TRIOBP: variants seen among roughly 807,000 people sequenced by gnomAD.
TRIOBP encodes the protein TRIO and F-actin-binding protein.
Under a neutral mutation model 238.8 loss-of-function variants are expected in TRIOBP, and 169 were observed. The observed-to-expected ratio is 0.71, with a 90% CI of 0.62 to 0.80. The LOEUF is 0.80. Ranked by LOEUF, TRIOBP falls within the 30% of genes least tolerant of loss-of-function variation. The probability of loss-of-function intolerance (pLI) is 0.00; values close to 1 mark genes in which losing one functional copy is unlikely to be tolerated. For synonymous variants in TRIOBP, 1,150 were observed against 1,274.4 expected, an observed-to-expected ratio of 0.90 and a Z score of 2.08; for missense variants, 2,838 against 3,122.6, an observed-to-expected ratio of 0.91 and a Z score of 2.17.
chr22:37,739,573 C>T (rs1924839455), intron 10 of TRIOBP, among the ~76,000 whole-genome samples: 1 of 152,174 alleles, frequency 6.6e-6, no homozygotes, highest in Non-Finnish European at 1.5e-5. Context: ...GGGACTAGAA[C>T]CCAGGGCCCA....
At chr22:37,708,544 T>A (rs1923071896) in intron 3 of TRIOBP, among the ~76,000 whole-genome samples, 1 of 152,118 alleles carries the variant, frequency 6.6e-6, no homozygotes, top group Admixed American at 6.5e-5. Flanking sequence ...AGAGCGAGAC[T>A]CTGTCTCAAA....
rs200079756 is a variant in TRIOBP at position 37,757,600 on chromosome 22, G to C, written c.5688-13G>C. 228 of 1,570,668 alleles carry C rather than the reference G, an allele frequency of 1.5e-4. No individual in the cohort carries two copies. Among genetic ancestry groups the C allele is most frequent in the Non-Finnish European group, 1.8e-4 (212 of 1,162,158 alleles). ...GTGAGGACCCACCTGACGTGGCTCT[G>C]CTGGTGCCCTAGGCTCTCGGACTCT... On this transcript the variant is annotated splice_polypyrimidine_tract_variant and intron_variant, in intron 15 of 23. Transcript: ENST00000644935.
At position 37,735,443 on chromosome 22, in the gene TRIOBP, G is replaced by A. The variant is rs1924625886; in HGVS notation, c.5106+1G>A. On this transcript the variant is annotated splice_donor_variant, in intron 9 of 23. Transcript: ENST00000644935. LOFTEE classifies it high-confidence loss of function. ...GGGCCCCAGCTTGCCAGAGCTGCAG[G>A]TAAGGAGGTTTCCACCCTCCCAAGG... is the stretch of plus-strand genomic sequence containing the variant. The A allele has an allele frequency of 6.4e-7, 1 of 1,557,280 alleles. No individual in the cohort carries two copies. The highest frequency in any genetic ancestry group is 8.7e-7 in the Non-Finnish European group (1 of 1,151,542).
chr22:37,759,132 T>C, intron 16 of TRIOBP, 22 bp from the exon 17 acceptor site: 1 of 1,594,110 alleles, frequency 6.3e-7, no homozygotes, highest in Non-Finnish European at 8.5e-7. Flanking sequence ...CAGGTCCCAC[T>C]GACCACCCTT....
At chr22:37,736,111 G>C (rs774565423) in intron 9 of TRIOBP, among the ~76,000 whole-genome samples, 1 of 152,222 alleles carries the variant, frequency 6.6e-6, no homozygotes, top group East Asian at 1.9e-4. Flanking sequence ...TGGGCCCAGC[G>C]CCGGGCACAC....
intron 5 of TRIOBP, 96 bp downstream of exon 5, chr22:37,713,507 C>G (rs1923364349): frequency 1.4e-6 from 2 of 1,464,396 alleles, no homozygotes; most frequent in East Asian, 4.5e-5. Flanking sequence ...GGCTGAGCCT[C>G]ACACCAGGGA....
intron 7 of TRIOBP, among the ~76,000 whole-genome samples, chr22:37,730,040 G>C (rs1178522231): frequency 6.6e-6 from 1 of 152,120 alleles, no homozygotes. Flanking sequence ...GGGAGTTTTG[G>C]CTTGATCTTA....
intron 17 of TRIOBP, chr22:37,759,626 A>G: frequency 6.5e-7 from 1 of 1,540,548 alleles, no homozygotes; most frequent in Non-Finnish European, 8.7e-7. Flanking sequence ...AGTGGCCCCG[A>G]GAGTCACTCC....
Position 37,746,290 on chromosome 22 carries a change from C to CGCG in TRIOBP, c.5322+5266_5322+5268dup, listed in dbSNP as rs1925254219. The CGCG allele has an allele frequency of 2.8e-6, 3 of 1,084,664 alleles. No homozygotes were observed. In the East Asian group the frequency reaches 1.8e-4, roughly 65 times the overall value. 67.2% of individuals were successfully genotyped at this position (1,084,664 alleles called of 1,614,324 possible). ...CGTCGGGGAAAGGAAGGGCCGGAGG[C>CGCG]GCGGCGGCGGGCGGCCGAGAGGGGC... On this transcript the variant is annotated intron_variant, in intron 11 of 23. Transcript: ENST00000644935.
At chr22:37,766,551 G>A (rs1041566728) in intron 18 of TRIOBP, among the ~76,000 whole-genome samples, 1 of 152,218 alleles carries the variant, frequency 6.6e-6, no homozygotes, top group Non-Finnish European at 1.5e-5. Context: ...TCTGGACTTC[G>A]CCCTGTAATC....
chr22:37,743,838 T>TGCTGG (rs1569050357), intron 11 of TRIOBP, among the ~76,000 whole-genome samples: 3 of 120,310 alleles, frequency 2.5e-5, no homozygotes, highest in African/African-American at 3.7e-5. Flanking sequence ...TGTGTGTGTG[T>TGCTGG]GTGTGTGCTG....
chr22:37,720,190 G>A (rs1176245702), intron 6 of TRIOBP, among the ~76,000 whole-genome samples: 2 of 151,550 alleles, frequency 1.3e-5, no homozygotes, highest in Non-Finnish European at 2.9e-5. Flanking sequence ...TGTATTTTTA[G>A]TAGAGACGGG....
chr22:37,756,537 A>C (rs961543591), intron 15 of TRIOBP, among the ~76,000 whole-genome samples: 10 of 152,148 alleles, frequency 6.6e-5, no homozygotes, highest in Admixed American at 2.6e-4. Context: ...GTGCAGTTGG[A>C]CTGTTATTTA....
At position 37,726,406 on chromosome 22, in the gene TRIOBP, CAG is replaced by C. The variant is rs750744696; in HGVS notation, c.3854_3855del (p.Arg1285ThrfsTer95). The C allele has an allele frequency of 7.2e-5, 114 of 1,585,716 alleles. 1 individual carries two copies. The highest frequency in any genetic ancestry group is 1.7e-4 in the Middle Eastern group (1 of 5,930). On this transcript the variant is annotated frameshift_variant, in exon 7 of 24. Coordinates refer to ENST00000644935, the MANE Select transcript of TRIOBP (RefSeq NM_001039141.3). LOFTEE classifies it high-confidence loss of function. ...CCTGCCCCCACCCAGGAGGCTGGCC[CAG>C]AGACAGCCAGGGCCCCAGGCGCAGT... Reference protein sequence around the residue: ...ADLPPPRRLAQRQPGPQAQCS... With the variant: ...ADLPPPRRLAXRQPGPQAQCS...
At chr22:37,703,508 T>TC (rs1320222740) in intron 3 of TRIOBP, among the ~76,000 whole-genome samples, 1 of 149,168 alleles carries the variant, frequency 6.7e-6, no homozygotes, top group African/African-American at 2.5e-5. Context: ...GTCCTCTTTT[T>TC]TTTTTTTTTT....
intron 8 of TRIOBP, 146 bp from the exon 9 acceptor site, chr22:37,734,253 G>A (rs1924553032): frequency 2.6e-6 from 2 of 762,402 alleles, no homozygotes; most frequent in East Asian, 2.7e-5. Context: ...GAGGGGTGGG[G>A]CAGAGACCCT....
intron 7 of TRIOBP, among the ~76,000 whole-genome samples, chr22:37,732,352 A>T (rs181236194): frequency 1.5e-4 from 23 of 152,108 alleles, no homozygotes; most frequent in Non-Finnish European, 3.1e-4. Flanking sequence ...CTTAGAAACA[A>T]CACTTGCCCA....
intron 7 of TRIOBP, among the ~76,000 whole-genome samples, chr22:37,727,467 C>G (rs1484924303): frequency 4.6e-5 from 7 of 151,676 alleles, no homozygotes; most frequent in Non-Finnish European, 8.8e-5. Flanking sequence ...AGGAGATCGA[C>G]AGCAGCCTGG....
intron 17 of TRIOBP, among the ~76,000 whole-genome samples, chr22:37,762,749 G>A (rs976125591): frequency 5.9e-5 from 9 of 152,162 alleles, no homozygotes; most frequent in Admixed American, 3.3e-4. Flanking sequence ...CCTCAGGCAC[G>A]GGAGGAGGCG....
Sources: allele counts gnomAD v4.1 joint callset (sites outside exome capture counted in the v4.1 genomes callset), GRCh38; gene constraint gnomAD v4.1.1; transcripts MANE v1.5; gene names NCBI Gene and HGNC (gene_info 2026-07-23, HGNC 2026-07-21).